The following MYO1B variants were observed in gnomAD, a reference collection of about 807,000 sequenced individuals.
The protein encoded by MYO1B is unconventional myosin-Ib.
A neutral mutation model predicts 159.7 loss-of-function variants in MYO1B; 72 were observed. That is an observed-to-expected ratio of 0.45 (90% confidence interval 0.37 to 0.55). MYO1B has a LOEUF of 0.55. MYO1B is among the 20% of genes least tolerant of loss of function. The pLI is 0.00. For missense variants in MYO1B, 1,062 were observed against 1,364.8 expected (o/e 0.78, Z 3.50); for synonymous variants, 468 against 473.8 (o/e 0.99, Z 0.16).
chr2:191,301,014 C>T (rs1271173545), intron 3 of MYO1B, among the ~76,000 whole-genome samples: 1 of 151,966 alleles, frequency 6.6e-6, no homozygotes, highest in Non-Finnish European at 1.5e-5. Flanking sequence ...CTGTTAGTCC[C>T]CCAAACATGG....
chr2:191,375,293 A>T (rs190447858), intron 13 of MYO1B, among the ~76,000 whole-genome samples: 2 of 152,330 alleles, frequency 1.3e-5, no homozygotes, highest in East Asian at 3.9e-4. Context: ...CCTCATGATC[A>T]TAGGATTTGT....
chr2:191,337,271 A>G (rs1487360385), intron 4 of MYO1B, among the ~76,000 whole-genome samples: 4 of 152,222 alleles, frequency 2.6e-5, no homozygotes, highest in African/African-American at 9.7e-5. Flanking sequence ...TAAAAAGATT[A>G]TTATATATGA....
chr2:191,418,882 A>G (rs200327086), intron 30 of MYO1B, among the ~76,000 whole-genome samples: 16 of 152,244 alleles, frequency 1.1e-4, no homozygotes, highest in Non-Finnish European at 1.3e-4. Flanking sequence ...TTAAACTTCT[A>G]AGCTGTTCAA....
chr2:191,410,535 T>C (rs1697191604), intron 26 of MYO1B, among the ~76,000 whole-genome samples: 1 of 152,196 alleles, frequency 6.6e-6, no homozygotes, highest in Admixed American at 6.5e-5. Flanking sequence ...CAAACTGTCA[T>C]AGCATATTTG....
chr2:191,246,550 GCC>G (rs71030330), intron 1 of MYO1B, among the ~76,000 whole-genome samples: 50 of 148,120 alleles, frequency 3.4e-4, no homozygotes, highest in South Asian at 6.4e-4. Flanking sequence ...AGTGAAAGAA[GCC>G]CCCCCCCCTT....
At chr2:191,303,141 A>G (rs1689437599) in intron 3 of MYO1B, among the ~76,000 whole-genome samples, 1 of 152,172 alleles carries the variant, frequency 6.6e-6, no homozygotes, top group Non-Finnish European at 1.5e-5. Flanking sequence ...TTAGGTTAAG[A>G]TTCCAGGGCA....
intron 20 of MYO1B, 130 bp from the exon 21 acceptor site, chr2:191,396,295 TTATG>T: frequency 1.2e-6 from 1 of 819,246 alleles, no homozygotes; most frequent in Non-Finnish European, 2.0e-6. Context: ...TTTGGTTTCT[TTATG>T]TATTGGTTTC....
chr2:191,414,744 C>G, intron 29 of MYO1B, 75 bp downstream of exon 29: 1 of 1,493,730 alleles, frequency 6.7e-7, no homozygotes, highest in South Asian at 1.4e-5. Flanking sequence ...TCTGATAATC[C>G]TATCGCAGTT....
In MYO1B at chr2:191,278,957, A is replaced by G. The variant is rs117363549; in HGVS notation, c.135+1927A>G. 5.8e-4 allele frequency among the ~76,000 whole-genome samples: 88 copies of G among 152,358 alleles called. 2 individuals carry two copies. The East Asian group carries it at 0.014, about 24-fold the overall frequency. ...CACTTTTAAATGAATTGAAAATAAG[A>G]TGGAGAGTAGAACATTACGTGCATT... On this transcript the variant is annotated intron_variant, in intron 2 of 30. Transcript: ENST00000392318.
chr2:191,407,985 T>C (rs2126155856), intron 24 of MYO1B, 130 bp from the exon 25 acceptor site: 1 of 519,210 alleles, frequency 1.9e-6, no homozygotes, highest in Non-Finnish European at 3.4e-6. Context: ...TTTCAATTAT[T>C]TTACTAAATC....
chr2:191,322,299 C>T (rs569880040), intron 3 of MYO1B, among the ~76,000 whole-genome samples: 1 of 152,264 alleles, frequency 6.6e-6, no homozygotes, highest in Admixed American at 6.5e-5. Flanking sequence ...ACAGATGTTT[C>T]CTTCTCTCTG....
chr2:191,355,182 C>T (rs1693191238), intron 7 of MYO1B, among the ~76,000 whole-genome samples: 1 of 152,190 alleles, frequency 6.6e-6, no homozygotes, highest in South Asian at 2.1e-4. Context: ...AACTGCTAGA[C>T]ATATGAGTGA....
intron 30 of MYO1B, among the ~76,000 whole-genome samples, chr2:191,421,539 C>T (rs897283693): frequency 6.6e-5 from 10 of 151,936 alleles, no homozygotes; most frequent in African/African-American, 2.4e-4. Context: ...GTGGTGTGAT[C>T]CCGGCTCAAT....
chr2:191,316,505 A>AGT (rs144918104), intron 3 of MYO1B, among the ~76,000 whole-genome samples: 6 of 151,792 alleles, frequency 4.0e-5, no homozygotes, highest in South Asian at 2.1e-4. Flanking sequence ...TATGTGAGTG[A>AGT]GTGTGTGTGT....
intron 3 of MYO1B, among the ~76,000 whole-genome samples, chr2:191,313,075 C>G (rs1048777055): frequency 6.6e-6 from 1 of 151,454 alleles, no homozygotes; most frequent in East Asian, 1.9e-4. Flanking sequence ...AGGTTTGTTT[C>G]TCATGAAACA....
intron 1 of MYO1B, among the ~76,000 whole-genome samples, chr2:191,261,232 A>G (rs1408924844): frequency 6.6e-6 from 1 of 152,158 alleles, no homozygotes; most frequent in East Asian, 1.9e-4. Flanking sequence ...ATAGTTTAAT[A>G]CAATGATTTT....
At chr2:191,345,937 C>G (rs71414930) in intron 5 of MYO1B, among the ~76,000 whole-genome samples, 3,978 of 152,216 alleles carry the variant, frequency 0.026, 58 homozygotes, top group Middle Eastern at 0.044. Context: ...CAATTGACTA[C>G]TCTCTAGAAG....
chr2:191,321,329 T>G (rs983539622), intron 3 of MYO1B, among the ~76,000 whole-genome samples: 5 of 152,200 alleles, frequency 3.3e-5, no homozygotes, highest in African/African-American at 1.2e-4. Context: ...TTTATTTGCC[T>G]GTAACAAAGT....
In MYO1B at chr2:191,362,366, G is replaced by C. The variant is rs116125895; in HGVS notation, c.760G>C (p.Val254Leu). The part of the protein sequence containing the change: ...GVDDAANFRT[V>L]RNAMQIVGFM... ...GGATGATGCAGCAAATTTTAGAACC[G>C]TGCGGGTAAGATGTAGTACTTTCAT... The change falls in exon 9 of 31, where the codon GTG becomes CTG. Residue 254 changes from valine to leucine, a missense_variant. Val to Leu is a conservative substitution (Grantham distance 32). Transcript: ENST00000392318. 22 of 1,612,658 alleles carry C rather than the reference G, an allele frequency of 1.4e-5. No homozygotes were observed. The highest frequency in any genetic ancestry group is 1.9e-5 in the Non-Finnish European group (22 of 1,178,980).
Sources: gnomAD v4.1 joint callset for allele counts (sites outside exome capture counted in the v4.1 genomes callset) on GRCh38, gnomAD v4.1.1 for gene constraint, MANE v1.5 for transcripts, NCBI Gene and HGNC (gene_info 2026-07-23, HGNC 2026-07-21) for gene names.